Variants in KIAA1549L observed in about 807,000 individuals in gnomAD.
KIAA1549L encodes KIAA1549 like.
A neutral mutation model predicts 160.7 loss-of-function variants in KIAA1549L; 88 were observed. That is an observed-to-expected ratio of 0.55 (90% CI 0.46 to 0.65). KIAA1549L has a LOEUF of 0.65. Ranked by LOEUF, KIAA1549L falls within the 30% of genes least tolerant of loss-of-function variation. The pLI is 0.00. For missense variants in KIAA1549L, 2,258 were observed against 2,437.5 expected (o/e 0.93, Z 1.55); for synonymous variants, 950 against 976.7 (o/e 0.97, Z 0.51).
intron 1 of KIAA1549L, among the ~76,000 whole-genome samples, chr11:33,395,470 C>T (rs745324968): frequency 1.1e-4 from 16 of 151,964 alleles, no homozygotes; most frequent in African/African-American, 2.9e-4. Context: ...ATCTATATAT[C>T]GATGAGAAAA....
Position 33,551,343 on chromosome 11 carries a change from TGCTA to T in KIAA1549L, c.3721+88_3721+91del, listed in dbSNP as rs1854456292. On this transcript the variant is annotated intron_variant, in intron 5 of 20. Coordinates refer to ENST00000658780, the MANE Select transcript of KIAA1549L (RefSeq NM_012194.3). ...GTGGACACCTGTTTAAAAGCTCCAT[TGCTA>T]GCTGCTGTGTCATTTTTTAGTCCCT... 2.6e-6 allele frequency: 3 copies of T among 1,133,858 alleles called. No homozygotes were observed. The African/African-American group carries it at 4.6e-5, about 17-fold the overall frequency. The allele number at this position is 1,133,858 out of a possible 1,614,324, so 70.2% of individuals were successfully genotyped here. A position where few individuals can be genotyped will look rare whatever the true frequency, so the allele number is the denominator to read the frequency against.
At chr11:33,663,221 A>G (rs1852325631) in intron 20 of KIAA1549L, among the ~76,000 whole-genome samples, 2 of 152,204 alleles carry the variant, frequency 1.3e-5, no homozygotes, top group Admixed American at 1.3e-4. Flanking sequence ...GCTAGCTTGG[A>G]TAAAATCACC....
intron 1 of KIAA1549L, among the ~76,000 whole-genome samples, chr11:33,462,207 T>A (rs1016380373): frequency 2.6e-5 from 4 of 152,186 alleles, no homozygotes; most frequent in Non-Finnish European, 5.9e-5. Flanking sequence ...GTAGGGAAGA[T>A]AATTTAAGGA....
chr11:33,474,737 G>A (rs1852249319), intron 1 of KIAA1549L, among the ~76,000 whole-genome samples: 1 of 152,224 alleles, frequency 6.6e-6, no homozygotes, highest in South Asian at 2.1e-4. Flanking sequence ...GTACTGCATA[G>A]AAACTGGCAC....
At chr11:33,523,531 A>G (rs759683272) in intron 1 of KIAA1549L, among the ~76,000 whole-genome samples, 7 of 152,178 alleles carry the variant, frequency 4.6e-5, no homozygotes, top group East Asian at 1.9e-4. Flanking sequence ...TTTCTTTTCA[A>G]TGTAACAAAA....
chr11:33,596,288 A>T (rs1232714608), intron 12 of KIAA1549L, among the ~76,000 whole-genome samples: 1 of 152,068 alleles, frequency 6.6e-6, no homozygotes. Context: ...TGACTTGATG[A>T]CTCCCTGTAA....
intron 17 of KIAA1549L, among the ~76,000 whole-genome samples, chr11:33,647,726 TC>T (rs1174061492): frequency 1.3e-5 from 2 of 152,046 alleles, no homozygotes; most frequent in African/African-American, 2.4e-5. Flanking sequence ...CCAGATCAAG[TC>T]TTCCAACAGG....
rs1247652622 is a variant in KIAA1549L at position 33,574,855 on chromosome 11, G to A, written c.4384G>A (p.Val1462Ile). Residue 1462 changes from valine (V) to isoleucine (I), a missense_variant, in exon 10 of 21, where the codon GTC becomes ATC. Transcript: ENST00000658780. ...GATGGCCTTGACCCTTCATCACGTT[G>A]TCCTTCTGCAAGCTGACCGTAAGGG... is the stretch of plus-strand genomic sequence containing the variant. ...QRMALTLHHV[V>I]LLQADPVVKN... 2 of 1,613,610 alleles carry A rather than the reference G, an allele frequency of 1.2e-6. No homozygotes were observed.
chr11:33,435,818 G>GTGTGTGTGTGTGTATATATA (rs1554976830), intron 1 of KIAA1549L, among the ~76,000 whole-genome samples: 1 of 45,324 alleles, frequency 2.2e-5, no homozygotes, highest in Admixed American at 2.5e-4. Context: ...ATATGTGTGT[G>GTGTGTGTGTGTGTATATATA]TATATATATA....
intron 1 of KIAA1549L, among the ~76,000 whole-genome samples, chr11:33,477,511 A>ACACACG (rs1852315091): frequency 6.9e-6 from 1 of 144,242 alleles, no homozygotes; most frequent in Admixed American, 7.2e-5. Context: ...GTGCACGCAC[A>ACACACG]CACACACAAA....
intron 16 of KIAA1549L, among the ~76,000 whole-genome samples, chr11:33,627,904 C>T (rs1851164457): frequency 6.6e-6 from 1 of 151,234 alleles, no homozygotes; most frequent in Non-Finnish European, 1.5e-5. Flanking sequence ...ATCTTTCCTG[C>T]TTTCTCTTGT....
intron 16 of KIAA1549L, among the ~76,000 whole-genome samples, chr11:33,628,053 A>G (rs547661829): frequency 1.2e-3 from 188 of 152,232 alleles, no homozygotes; most frequent in Admixed American, 2.0e-3. Context: ...CCCAGTAGTC[A>G]TTCAGGAGCA....
At chr11:33,513,411 G>A (rs944350954) in intron 1 of KIAA1549L, among the ~76,000 whole-genome samples, 5 of 152,160 alleles carry the variant, frequency 3.3e-5, no homozygotes, top group African/African-American at 7.2e-5. Flanking sequence ...AGAGTACATC[G>A]TGGCATGTAG....
intron 1 of KIAA1549L, among the ~76,000 whole-genome samples, chr11:33,416,920 C>T (rs2134096207): frequency 6.6e-6 from 1 of 152,280 alleles, no homozygotes; most frequent in Middle Eastern, 3.4e-3. Context: ...ACTCATTCAT[C>T]TGCTCATCCT....
In KIAA1549L at chr11:33,464,515, T is replaced by C. The variant is rs4615995; in HGVS notation, c.239-77287T>C. 6.6e-3 allele frequency among the ~76,000 whole-genome samples: 855 copies of C among 130,094 alleles called. 3 individuals are homozygous for C. Among genetic ancestry groups the C allele is most frequent in the South Asian group, 0.021 (70 of 3,372 alleles). 85.3% of individuals were successfully genotyped at this position (130,094 alleles called of 152,430 possible). ...GTGTGTGTGTGTGTGTGTGTGTGCG[T>C]GCGCGCATGCCCCCCCCCACACACG... On this transcript the variant is annotated intron_variant, in intron 1 of 20. Coordinates refer to ENST00000658780, the MANE Select transcript of KIAA1549L (RefSeq NM_012194.3).
Position 33,668,242 on chromosome 11 carries a change from T to C in KIAA1549L, c.*88T>C. 1 of 1,211,618 alleles carries C rather than the reference T, an allele frequency of 8.3e-7. No homozygotes were observed. The highest frequency in any genetic ancestry group is 1.5e-5 in the South Asian group (1 of 68,346). 75.1% of individuals were successfully genotyped at this position (1,211,618 alleles called of 1,614,324 possible). ...TGCCTACGTGTTAGGACTTGAGACA[T>C]AGCAATGGGTGAGTCTTTCTCACCC... On this transcript the variant is annotated 3_prime_UTR_variant, in exon 21 of 21. Coordinates refer to ENST00000658780, the MANE Select transcript of KIAA1549L (RefSeq NM_012194.3).
chr11:33,630,636 G>A (rs868435540), intron 16 of KIAA1549L, among the ~76,000 whole-genome samples: 15 of 152,186 alleles, frequency 9.9e-5, no homozygotes, highest in South Asian at 6.2e-4. Context: ...GCCCTGCTTC[G>A]GCTCATGCAT....
chr11:33,578,548 G>A (rs1027717067), intron 10 of KIAA1549L, among the ~76,000 whole-genome samples: 6 of 152,232 alleles, frequency 3.9e-5, no homozygotes, highest in Non-Finnish European at 5.9e-5. Flanking sequence ...GTAATAAAAC[G>A]TAGATTCTGA....
At chr11:33,609,704 G>A (rs1400522006) in intron 14 of KIAA1549L, 45 bp from the exon 15 acceptor site, 3 of 1,469,084 alleles carry the variant, frequency 2.0e-6, no homozygotes, top group East Asian at 2.4e-5. Context: ...CCACCTGCCG[G>A]CCCCACTGGG....
Sources: allele counts gnomAD v4.1 joint callset (sites outside exome capture counted in the v4.1 genomes callset), GRCh38; gene constraint gnomAD v4.1.1; transcripts MANE v1.5; gene names NCBI Gene and HGNC (gene_info 2026-07-23, HGNC 2026-07-21).